ENTREP2: variants seen among roughly 807,000 people sequenced by gnomAD.
ENTREP2 encodes protein ENTREP2.
At chr15:29,663,021 C>T in the ENTREP2 span, among the ~76,000 whole-genome samples, 1 of 151,958 alleles carries the variant, frequency 6.6e-6, no homozygotes, top group African/African-American at 2.4e-5. Context: ...CCAGGACTGG[C>T]TCCTGATTCT....
the ENTREP2 span, among the ~76,000 whole-genome samples, chr15:29,164,214 T>G: frequency 6.6e-6 from 1 of 152,106 alleles, no homozygotes; most frequent in Admixed American, 6.5e-5. Context: ...CAGAACCTCT[T>G]TAAAGCATAA....
At chr15:29,647,493 C>T in the ENTREP2 span, among the ~76,000 whole-genome samples, 99 of 152,278 alleles carry the variant, frequency 6.5e-4, 4 homozygotes, top group East Asian at 0.015. Flanking sequence ...GTTTCACTTA[C>T]AGGCAAATGT....
the ENTREP2 span, among the ~76,000 whole-genome samples, chr15:29,243,882 A>G: frequency 6.6e-6 from 1 of 152,238 alleles, no homozygotes; most frequent in East Asian, 1.9e-4. Flanking sequence ...ATAAACCTAG[A>G]TAATTCCCAG....
At chr15:29,414,424 A>G in the ENTREP2 span, among the ~76,000 whole-genome samples, 1 of 152,208 alleles carries the variant, frequency 6.6e-6, no homozygotes, top group Non-Finnish European at 1.5e-5. Flanking sequence ...AAATGAAGGC[A>G]GAAATAAAGA....
At chr15:29,384,765 G>A in the ENTREP2 span, among the ~76,000 whole-genome samples, 1 of 151,078 alleles carries the variant, frequency 6.6e-6, no homozygotes, top group African/African-American at 2.4e-5. Context: ...CAGCCCTCCC[G>A]GCCCCAGCCT....
the ENTREP2 span, among the ~76,000 whole-genome samples, chr15:29,360,104 T>C: frequency 1.3e-5 from 2 of 152,232 alleles, no homozygotes; most frequent in Non-Finnish European, 2.9e-5. Flanking sequence ...TGGTTCAGCA[T>C]TTTATTCTGA....
At chr15:29,403,534 C>T in the ENTREP2 span, among the ~76,000 whole-genome samples, 155 of 152,196 alleles carry the variant, frequency 1.0e-3, no homozygotes, top group Non-Finnish European at 1.9e-3. Flanking sequence ...AGCAAATTCA[C>T]AGACTCACAT....
the ENTREP2 span, among the ~76,000 whole-genome samples, chr15:29,191,565 G>A: frequency 1.8e-3 from 273 of 152,060 alleles, no homozygotes; most frequent in South Asian, 6.2e-4. Context: ...AGATCACATC[G>A]CAAGCAGAGG....
At chr15:29,134,481 G>A in the ENTREP2 span, among the ~76,000 whole-genome samples, 5 of 152,152 alleles carry the variant, frequency 3.3e-5, no homozygotes, top group Non-Finnish European at 5.9e-5. Context: ...GGGGGCTCAC[G>A]GGCCAGCCGG....
At chr15:29,367,522 C>T in the ENTREP2 span, among the ~76,000 whole-genome samples, 1 of 152,102 alleles carries the variant, frequency 6.6e-6, no homozygotes, top group African/African-American at 2.4e-5. Flanking sequence ...AATCTAAACA[C>T]TTAAAAAAAA....
chr15:29,332,057 AT>A, the ENTREP2 span, among the ~76,000 whole-genome samples: 1 of 152,262 alleles, frequency 6.6e-6, no homozygotes, highest in Non-Finnish European at 1.5e-5. Context: ...CGTGTCAATA[AT>A]TTAGGTGTAC....
the ENTREP2 span, among the ~76,000 whole-genome samples, chr15:29,424,535 G>A: frequency 6.6e-6 from 1 of 152,140 alleles, no homozygotes; most frequent in Non-Finnish European, 1.5e-5. Flanking sequence ...AGTCTGGGTA[G>A]GCGCCAACCT....
At chr15:29,427,303 G>C in the ENTREP2 span, among the ~76,000 whole-genome samples, 2 of 152,280 alleles carry the variant, frequency 1.3e-5, no homozygotes, top group Non-Finnish European at 2.9e-5. Flanking sequence ...AAGCGGGGTT[G>C]AAAACGAAGA....
chr15:29,565,892 C>T, the ENTREP2 span, among the ~76,000 whole-genome samples: 53 of 151,090 alleles, frequency 3.5e-4, no homozygotes, highest in African/African-American at 1.2e-3. Context: ...ACCCGGGAGG[C>T]GGAGTTTGCA....
At chr15:29,289,934 A>G in the ENTREP2 span, among the ~76,000 whole-genome samples, 1 of 152,192 alleles carries the variant, frequency 6.6e-6, no homozygotes, top group African/African-American at 2.4e-5. Context: ...AATGTCCATC[A>G]ACAACAAAAT....
chr15:29,541,293 G>A, the ENTREP2 span, among the ~76,000 whole-genome samples: 7 of 152,158 alleles, frequency 4.6e-5, no homozygotes, highest in Non-Finnish European at 7.3e-5. Context: ...CGCTCCTTCC[G>A]TAAATCGGTA....
the ENTREP2 span, among the ~76,000 whole-genome samples, chr15:29,344,926 G>A: frequency 6.3e-5 from 8 of 127,560 alleles, no homozygotes; most frequent in Non-Finnish European, 1.1e-4. Context: ...ACACGCACGC[G>A]CGCAGACACA....
chr15:29,152,765 T>C, the ENTREP2 span, among the ~76,000 whole-genome samples: 2 of 152,240 alleles, frequency 1.3e-5, no homozygotes, highest in Non-Finnish European at 2.9e-5. Context: ...TAGGTTTTTG[T>C]GTGAACATAA....
At chr15:29,141,906 G>A in the ENTREP2 span, among the ~76,000 whole-genome samples, 2 of 152,192 alleles carry the variant, frequency 1.3e-5, no homozygotes, top group Non-Finnish European at 2.9e-5. Context: ...GCCCACCCAG[G>A]GCTCCAGGGT....
Sources: gnomAD v4.1 joint callset for allele counts (sites outside exome capture counted in the v4.1 genomes callset) on GRCh38, gnomAD v4.1.1 for gene constraint, MANE v1.5 for transcripts, NCBI Gene and HGNC (gene_info 2026-07-23, HGNC 2026-07-21) for gene names.